Variants in IL4I1 observed in about 807,000 individuals in gnomAD.
IL4I1 encodes the protein interleukin 4 induced 1, also known as L-amino-acid oxidase.
In IL4I1, 24 loss-of-function variants were observed where a neutral mutation model predicts 29.7. The ratio of observed to expected loss-of-function variants is 0.81; its 90% CI spans 0.59 to 1.14. The LOEUF (loss-of-function observed/expected upper bound fraction) is 1.14, where lower values mean the gene tolerates loss of function less well. IL4I1 is among the 50% of genes most tolerant of loss of function. The pLI is 0.00. For missense variants in IL4I1, 686 were observed against 785.6 expected, an observed-to-expected ratio of 0.87 and a Z score of 1.52; for synonymous variants, 371 against 352.5, an observed-to-expected ratio of 1.05 and a Z score of -0.59.
intron 2 of IL4I1, chr19:49,908,031 C>G: frequency 9.2e-7 from 1 of 1,092,736 alleles, no homozygotes; most frequent in Non-Finnish European, 1.3e-6. Flanking sequence ...ACAGAAGCCA[C>G]ACCCATGAGG....
rs1393601929 is a variant in IL4I1, at chr19:49,890,620, G to A, written c.774-20C>T. The A allele has an allele frequency of 2.0e-6, 3 of 1,485,576 alleles. No individual in the cohort carries two copies. The highest frequency in any genetic ancestry group is 2.6e-5 in the South Asian group (2 of 76,310). The allele number at this position is 1,485,576 out of a possible 1,614,324, so 92.0% of individuals were successfully genotyped here. On this transcript the variant is annotated intron_variant, in intron 7 of 7. Coordinates refer to ENST00000391826, the MANE Select transcript of IL4I1 (RefSeq NM_152899.2). ...CTGTACCTGCAGGCGGGGCGGGGCG[G>A]GGTGGGGGCGTGACCTGGGCTCTGC...
chr19:49,914,757 T>TTTTTTTTA (rs2075581115), intron 2 of IL4I1, among the ~76,000 whole-genome samples: 1 of 134,962 alleles, frequency 7.4e-6, no homozygotes, highest in Non-Finnish European at 1.5e-5. Flanking sequence ...TTTTTTTTTT[T>TTTTTTTTA]GAGATGGAGT....
At position 49,890,247 on chromosome 19, in the gene IL4I1, G is replaced by A. The variant is rs1568682476; in HGVS notation, c.1127C>T (p.Thr376Ile). ...EEHIEGGHSN[T>I]DRPSRMIFYP... ...GAAAATCATGCGCGACGGGCGATCG[G>A]TGTTTGAGTGGCCGCCTTCAATGTG... The change falls in exon 8 of 8, where the codon ACC (threonine) becomes ATC (isoleucine). Residue 376 changes from threonine (T) to isoleucine (I), a missense_variant. Thr to Ile is a moderately conservative substitution (Grantham distance 89). Transcript: ENST00000391826. The A allele has an allele frequency of 6.4e-7, 1 of 1,570,352 alleles. No individual in the cohort carries two copies.
At chr19:49,900,986 G>A (rs987423736), upstream of IL4I1, among the ~76,000 whole-genome samples, 37 of 152,260 alleles carry the variant, frequency 2.4e-4, no homozygotes, top group African/African-American at 8.9e-4. Flanking sequence ...AGCTGATGCT[G>A]ATGAGGGCTG....
upstream of IL4I1, among the ~76,000 whole-genome samples, chr19:49,899,557 T>G (rs890615793): frequency 3.8e-4 from 57 of 150,840 alleles, 1 homozygote; most frequent in East Asian, 9.9e-3. Flanking sequence ...TTTTTTGTTT[T>G]TTTTGTTTTT....
upstream of IL4I1, among the ~76,000 whole-genome samples, chr19:49,897,907 C>T (rs183544882): frequency 2.6e-5 from 4 of 151,352 alleles, no homozygotes; most frequent in Admixed American, 6.6e-5. Flanking sequence ...CGGTTATGGC[C>T]GGGAGGGGCT....
At chr19:49,916,054 C>T (rs990756095) in intron 2 of IL4I1, among the ~76,000 whole-genome samples, 12 of 152,210 alleles carry the variant, frequency 7.9e-5, no homozygotes, top group East Asian at 1.9e-4. Flanking sequence ...TAACCGGCAC[C>T]GTGCCAGAGC....
chr19:49,901,097 T>G (rs2075267647), upstream of IL4I1, among the ~76,000 whole-genome samples: 1 of 152,136 alleles, frequency 6.6e-6, no homozygotes, highest in Non-Finnish European at 1.5e-5. Context: ...AAAGTTTCAT[T>G]GGCCAGACGC....
intron 2 of IL4I1, chr19:49,908,764 C>T: frequency 6.2e-7 from 1 of 1,613,786 alleles, no homozygotes; most frequent in Non-Finnish European, 8.5e-7. Flanking sequence ...GGAAGTGCCG[C>T]TCCTGGTCCT....
intron 2 of IL4I1, among the ~76,000 whole-genome samples, chr19:49,926,696 C>A (rs1321934373): frequency 2.0e-5 from 3 of 152,132 alleles, no homozygotes; most frequent in East Asian, 1.9e-4. Context: ...TGCTTTTGTT[C>A]AAAAATCTAT....
chr19:49,914,613 G>A (rs911758577), intron 2 of IL4I1, among the ~76,000 whole-genome samples: 3 of 151,930 alleles, frequency 2.0e-5, no homozygotes, highest in Admixed American at 6.6e-5. Flanking sequence ...GAATTCAGGT[G>A]GGCATATCCC....
intron 2 of IL4I1, among the ~76,000 whole-genome samples, chr19:49,905,815 C>T (rs2075314812): frequency 6.6e-6 from 1 of 152,194 alleles, no homozygotes; most frequent in South Asian, 2.1e-4. Flanking sequence ...GTTGGCCATG[C>T]TGGTCTCGAA....
chr19:49,902,424 A>T (rs2075279501), intron 3 of IL4I1, among the ~76,000 whole-genome samples: 1 of 147,258 alleles, frequency 6.8e-6, no homozygotes, highest in South Asian at 2.1e-4. Context: ...CAGTGGCACG[A>T]TCTCGGCTCA....
intron 2 of IL4I1, among the ~76,000 whole-genome samples, chr19:49,912,032 T>C (rs1324932840): frequency 6.6e-6 from 1 of 152,228 alleles, no homozygotes; most frequent in Non-Finnish European, 1.5e-5. Flanking sequence ...GAACTCAGCT[T>C]AAAAAAGCTT....
intron 2 of IL4I1, chr19:49,913,087 G>A (rs1430857432): frequency 6.6e-6 from 1 of 152,492 alleles, no homozygotes; most frequent in Non-Finnish European, 1.5e-5. Context: ...GGGAGAAGCT[G>A]AGCGTTGCAG....
At chr19:49,900,402 C>G (rs898293290), upstream of IL4I1, among the ~76,000 whole-genome samples, 1 of 152,138 alleles carries the variant, frequency 6.6e-6, no homozygotes, top group Admixed American at 6.6e-5. Flanking sequence ...TCTCCTGCCT[C>G]AGCCTCCCCA....
At chr19:49,925,350 G>C (rs543959690) in intron 2 of IL4I1, among the ~76,000 whole-genome samples, 1 of 151,826 alleles carries the variant, frequency 6.6e-6, no homozygotes, top group South Asian at 2.1e-4. Context: ...CACTTTGGGA[G>C]GGTGAGGCAG....
intron 2 of IL4I1, among the ~76,000 whole-genome samples, chr19:49,905,755 C>G (rs1483584696): frequency 1.3e-5 from 2 of 152,200 alleles, no homozygotes; most frequent in African/African-American, 4.8e-5. Flanking sequence ...CGCCACTTAA[C>G]TAGCCACCAG....
At chr19:49,925,239 C>T (rs987669340) in intron 2 of IL4I1, among the ~76,000 whole-genome samples, 3 of 151,936 alleles carry the variant, frequency 2.0e-5, no homozygotes, top group African/African-American at 7.3e-5. Context: ...CCAGCCTGGG[C>T]AACAAGAGTG....
Sources: gnomAD v4.1 joint callset for allele counts (sites outside exome capture counted in the v4.1 genomes callset) on GRCh38, gnomAD v4.1.1 for gene constraint, MANE v1.5 for transcripts, NCBI Gene and HGNC (gene_info 2026-07-23, HGNC 2026-07-21) for gene names.